SV2C: variants seen among roughly 807,000 people sequenced by gnomAD.
SV2C encodes synaptic vesicle glycoprotein 2C.
SV2C carries 49 observed loss-of-function variants against 79.7 expected under a neutral mutation model. The observed-to-expected ratio is 0.61, with a 90% CI of 0.49 to 0.78. The LOEUF (loss-of-function observed/expected upper bound fraction) is 0.78, where lower values mean the gene tolerates loss of function less well. Ranked by LOEUF, SV2C falls within the 30% of genes least tolerant of loss-of-function variation. The pLI is 0.00. For synonymous variants in SV2C, 334 were observed against 333.2 expected (o/e 1.00, Z -0.03); for missense variants, 833 against 912.9 (o/e 0.91, Z 1.13).
the SV2C span, among the ~76,000 whole-genome samples, chr5:75,973,520 G>GA: frequency 1.3e-5 from 2 of 150,394 alleles, no homozygotes; most frequent in African/African-American, 4.9e-5. Context: ...AAAAGAAAAA[G>GA]AAAAAAAAGT....
intron 4 of SV2C, among the ~76,000 whole-genome samples, chr5:76,232,710 G>T (rs1311870088): frequency 7.1e-6 from 1 of 141,820 alleles, no homozygotes; most frequent in Non-Finnish European, 1.5e-5. Flanking sequence ...TTTCCCCATT[G>T]CTTGTTTTTC....
chr5:76,321,417 T>C lies in SV2C; in HGVS notation c.2001-3947T>C, dbSNP rs946487452. ...GAAGGAAATTCATACTCTCTCATGG[T>C]GTCAGTGGTGTATGCAGGCTCATGA... On this transcript the variant is annotated intron_variant, in intron 12 of 12. Coordinates refer to ENST00000502798, the MANE Select transcript of SV2C (RefSeq NM_014979.4). Among the ~76,000 whole-genome samples, 5 of 152,124 alleles carry C rather than the reference T, an allele frequency of 3.3e-5. No individual in the cohort carries two copies. The East Asian group carries it at 9.7e-4, about 29-fold the overall frequency.
the SV2C span, among the ~76,000 whole-genome samples, chr5:75,853,076 A>G: frequency 1.3e-5 from 2 of 152,178 alleles, no homozygotes; most frequent in African/African-American, 2.4e-5. Flanking sequence ...AAATATACAT[A>G]CTGTCGCAAG....
chr5:76,181,518 T>C (rs994299300), intron 2 of SV2C, among the ~76,000 whole-genome samples: 30 of 152,138 alleles, frequency 2.0e-4, no homozygotes, highest in African/African-American at 6.8e-4. Context: ...ACAGGAAGCA[T>C]GGCTAGGAGG....
intron 2 of SV2C, among the ~76,000 whole-genome samples, chr5:76,141,207 C>T (rs1749239642): frequency 6.6e-6 from 1 of 152,150 alleles, no homozygotes; most frequent in African/African-American, 2.4e-5. Context: ...CTGCCTCATT[C>T]CTGAAACTTG....
the SV2C span, among the ~76,000 whole-genome samples, chr5:75,854,815 C>T: frequency 2.0e-5 from 3 of 152,070 alleles, no homozygotes; most frequent in Non-Finnish European, 2.9e-5. Context: ...TTCCTATGCT[C>T]TCTTCTAGAT....
intron 2 of SV2C, among the ~76,000 whole-genome samples, chr5:76,146,310 A>G (rs1342904238): frequency 6.6e-6 from 1 of 152,164 alleles, no homozygotes; most frequent in Non-Finnish European, 1.5e-5. Flanking sequence ...AAAGAAAAGG[A>G]ATAAAAGAAT....
At chr5:75,985,924 A>T in the SV2C span, among the ~76,000 whole-genome samples, 2 of 151,758 alleles carry the variant, frequency 1.3e-5, no homozygotes, top group African/African-American at 4.8e-5. Context: ...TTAAAATATT[A>T]ATCTGAATAA....
At chr5:76,036,977 T>C in the SV2C span, among the ~76,000 whole-genome samples, 9 of 152,298 alleles carry the variant, frequency 5.9e-5, no homozygotes, top group East Asian at 1.4e-3. Context: ...CTTCCCTTCT[T>C]GCTTCATTTC....
intron 6 of SV2C, among the ~76,000 whole-genome samples, chr5:76,290,089 GA>G (rs70979390): frequency 9.3e-5 from 14 of 150,880 alleles, no homozygotes; most frequent in Admixed American, 2.6e-4. Flanking sequence ...AAAAAGAAAA[GA>G]AAAAAAAACT....
At chr5:76,229,595 A>G (rs142557366) in intron 4 of SV2C, among the ~76,000 whole-genome samples, 8 of 152,360 alleles carry the variant, frequency 5.3e-5, no homozygotes, top group Admixed American at 1.3e-4. Flanking sequence ...TGAGTCTCCA[A>G]ATTCCAAAGC....
At chr5:76,178,881 G>A (rs751727879) in intron 2 of SV2C, among the ~76,000 whole-genome samples, 2 of 152,116 alleles carry the variant, frequency 1.3e-5, no homozygotes, top group Non-Finnish European at 2.9e-5. Flanking sequence ...AGTTAGTTCT[G>A]TCAATTGCAT....
intron 4 of SV2C, among the ~76,000 whole-genome samples, chr5:76,221,919 T>C (rs551941970): frequency 6.6e-6 from 1 of 152,366 alleles, no homozygotes; most frequent in East Asian, 1.9e-4. Flanking sequence ...AGATGCCTAC[T>C]CCATGAGCTG....
chr5:76,074,286 G>T, the SV2C span, among the ~76,000 whole-genome samples: 1 of 152,024 alleles, frequency 6.6e-6, no homozygotes. Context: ...TGTGTGATGC[G>T]GTTCCACTCT....
chr5:75,973,135 A>G, the SV2C span, among the ~76,000 whole-genome samples: 1 of 151,740 alleles, frequency 6.6e-6, no homozygotes, highest in African/African-American at 2.4e-5. Flanking sequence ...ATGAGAACAC[A>G]TGGACACAGG....
intron 1 of SV2C, among the ~76,000 whole-genome samples, chr5:76,111,661 C>A (rs745502391): frequency 7.9e-5 from 12 of 151,554 alleles, no homozygotes; most frequent in Non-Finnish European, 1.8e-4. Context: ...AGCTAATTTG[C>A]CCCCCCAGGA....
At chr5:76,190,250 G>A (rs1263438771) in intron 2 of SV2C, among the ~76,000 whole-genome samples, 1 of 152,180 alleles carries the variant, frequency 6.6e-6, no homozygotes, top group Admixed American at 6.5e-5. Flanking sequence ...AATGGGTTTT[G>A]CAGTATAAAA....
intron 4 of SV2C, among the ~76,000 whole-genome samples, chr5:76,240,051 C>G (rs952538510): frequency 1.3e-5 from 2 of 152,108 alleles, no homozygotes; most frequent in Non-Finnish European, 2.9e-5. Context: ...TATTCTGCAC[C>G]ATTCATCAAA....
intron 1 of SV2C, among the ~76,000 whole-genome samples, chr5:76,114,786 G>A (rs1027004473): frequency 1.5e-4 from 23 of 152,224 alleles, no homozygotes; most frequent in Non-Finnish European, 3.1e-4. Context: ...GCTAGGGAAA[G>A]GCATGACCAA....
Sources: allele counts gnomAD v4.1 joint callset (sites outside exome capture counted in the v4.1 genomes callset), GRCh38; gene constraint gnomAD v4.1.1; transcripts MANE v1.5; gene names NCBI Gene and HGNC (gene_info 2026-07-23, HGNC 2026-07-21).